Variants in VRK2 observed in about 807,000 individuals in gnomAD.
The protein encoded by VRK2 is VRK serine/threonine kinase 2.
VRK2 carries 60 observed loss-of-function variants against 57.6 expected under a neutral mutation model. That is an observed-to-expected ratio of 1.04 (90% CI 0.85 to 1.29). The LOEUF is 1.29. Ranked by LOEUF, VRK2 falls within the 50% of genes most tolerant of loss-of-function variation. The pLI is 0.00. For synonymous variants in VRK2, 231 were observed against 199.2 expected (o/e 1.16, Z -1.35); for missense variants, 705 against 588.1 (o/e 1.20, Z -2.06).
At chr2:58,147,444 C>G (rs1237410690) in intron 12 of VRK2, among the ~76,000 whole-genome samples, 1 of 151,890 alleles carries the variant, frequency 6.6e-6, no homozygotes, top group Non-Finnish European at 1.5e-5. Context: ...AAATTAAAGA[C>G]AAATCGTGCT....
intron 2 of VRK2, among the ~76,000 whole-genome samples, chr2:58,029,751 T>C (rs1458882184): frequency 6.6e-6 from 1 of 152,172 alleles, no homozygotes; most frequent in Non-Finnish European, 1.5e-5. Flanking sequence ...TCTAATGAGC[T>C]TCTGGTCTAC....
At position 57,993,818 on chromosome 2, in the gene VRK2, C is replaced by T. The variant is rs993082415; in HGVS notation, c.-438-31847C>T. Among the ~76,000 whole-genome samples the T allele has an allele frequency of 1.2e-4, 18 of 152,200 alleles. No individual in the cohort carries two copies. In the South Asian group the frequency reaches 1.9e-3, roughly 16 times the overall value. ...TTTGTCAGGAGGCCTGCCACCAGAG[C>T]GCAATGCATAGCAACATCAGGGTAT... On this transcript the variant is annotated intron_variant, in intron 1 of 15. Coordinates refer to the VRK2 transcript ENST00000417641.
rs1205548555 is a variant in VRK2, at chr2:57,991,791, CAA to C, written c.-438-33858_-438-33857del. On this transcript the variant is annotated intron_variant, in intron 1 of 15. Coordinates refer to the VRK2 transcript ENST00000417641. The stretch of plus-strand genomic sequence containing the variant: ...TGAAACCCCGTCTCTACTAAAAATA[CAA>C]AAAAAAAAAAAAAAATTATCTGGGC... Among the ~76,000 whole-genome samples, 839 of 113,954 alleles carry C rather than the reference CAA, an allele frequency of 7.4e-3. 9 individuals are homozygous for C. The highest frequency in any genetic ancestry group is 0.023 in the African/African-American group (784 of 33,820). The allele number at this position is 113,954 out of a possible 152,430, so 74.8% of individuals were successfully genotyped here. A position where few individuals can be genotyped will look rare whatever the true frequency, so the allele number is the denominator to read the frequency against.
chr2:58,109,732 A>G (rs753268357), intron 7 of VRK2, among the ~76,000 whole-genome samples: 16 of 152,198 alleles, frequency 1.1e-4, no homozygotes, highest in Non-Finnish European at 2.1e-4. Flanking sequence ...GGGAATTACA[A>G]TTCAGATTAC....
At chr2:57,934,410 T>G (rs1272266821) in intron 1 of VRK2, among the ~76,000 whole-genome samples, 1 of 152,204 alleles carries the variant, frequency 6.6e-6, no homozygotes, top group Non-Finnish European at 1.5e-5. Context: ...GAATGTATTA[T>G]TCCACTCTCT....
chr2:58,130,527 CAGTT>C (rs775771942), intron 8 of VRK2, among the ~76,000 whole-genome samples: 89 of 152,268 alleles, frequency 5.8e-4, no homozygotes, highest in African/African-American at 1.6e-3. Flanking sequence ...ACGCTAATAG[CAGTT>C]AGAGTGTAAG....
intron 1 of VRK2, among the ~76,000 whole-genome samples, chr2:57,971,346 T>A (rs969994222): frequency 2.0e-5 from 3 of 152,072 alleles, no homozygotes; most frequent in Admixed American, 1.3e-4. Context: ...GTATATACAA[T>A]TCAAGACTTC....
intron 1 of VRK2, among the ~76,000 whole-genome samples, chr2:57,932,129 T>G (rs1167093989): frequency 6.6e-6 from 1 of 152,054 alleles, no homozygotes; most frequent in South Asian, 2.1e-4. Context: ...CATACAAATT[T>G]TAGGATTTTT....
intron 2 of VRK2, among the ~76,000 whole-genome samples, chr2:58,068,830 CA>C (rs1668991614): frequency 7.7e-6 from 1 of 130,322 alleles, no homozygotes; most frequent in Non-Finnish European, 1.6e-5. Context: ...AAAAAAAAAA[CA>C]AAAACTCGGT....
At chr2:58,051,293 G>A (rs1675701479) in intron 2 of VRK2, among the ~76,000 whole-genome samples, 1 of 152,072 alleles carries the variant, frequency 6.6e-6, no homozygotes, top group South Asian at 2.1e-4. Flanking sequence ...ACTGAGGAAG[G>A]ACTTTAAAGA....
intron 2 of VRK2, among the ~76,000 whole-genome samples, chr2:58,070,609 CTA>C (rs2103983733): frequency 6.6e-6 from 1 of 152,240 alleles, no homozygotes; most frequent in Non-Finnish European, 1.5e-5. Context: ...TTTCACAAAA[CTA>C]TATGTTTTTA....
intron 2 of VRK2, among the ~76,000 whole-genome samples, chr2:58,067,893 T>C (rs114595094): frequency 1.1e-4 from 16 of 150,292 alleles, no homozygotes; most frequent in African/African-American, 3.7e-4. Flanking sequence ...AATATCTTTT[T>C]TTCTTTTCTT....
At chr2:58,091,685 A>T (rs1672397100) in intron 7 of VRK2, among the ~76,000 whole-genome samples, 1 of 152,014 alleles carries the variant, frequency 6.6e-6, no homozygotes, top group African/African-American at 2.4e-5. Context: ...GAGAATATCT[A>T]GCCGGTACTA....
chr2:58,149,480 GA>G (rs2104671428), intron 12 of VRK2, among the ~76,000 whole-genome samples: 1 of 151,648 alleles, frequency 6.6e-6, no homozygotes, highest in African/African-American at 2.4e-5. Context: ...TGATGTCTGT[GA>G]ATAGAGACAG....
intron 1 of VRK2, among the ~76,000 whole-genome samples, chr2:57,935,664 T>G (rs1033148285): frequency 6.6e-6 from 1 of 151,216 alleles, no homozygotes; most frequent in Non-Finnish European, 1.5e-5. Flanking sequence ...CTGCTCTCAT[T>G]CTCTCCCAAT....
rs1673451404 is a variant in VRK2, at chr2:58,012,758, G to C, written c.-438-12907G>C. Among the ~76,000 whole-genome samples, 2 of 152,176 alleles carry C rather than the reference G, an allele frequency of 1.3e-5. 1 individual carries two copies. The highest frequency in any genetic ancestry group is 4.2e-4 in the South Asian group (2 of 4,814). On this transcript the variant is annotated intron_variant, in intron 1 of 15. Transcript: ENST00000417641. ...CAAAGAATTTAGACACTCTGTGCCA[G>C]GTATAAAAAGGACAAAGACCAAATC...
chr2:58,096,509 T>A (rs1192416559), intron 7 of VRK2, among the ~76,000 whole-genome samples: 1 of 152,050 alleles, frequency 6.6e-6, no homozygotes, highest in Non-Finnish European at 1.5e-5. Flanking sequence ...ATTTTATTTG[T>A]GCGGTGGTCT....
intron 1 of VRK2, among the ~76,000 whole-genome samples, chr2:57,996,300 A>G (rs1672921010): frequency 6.6e-6 from 1 of 152,222 alleles, no homozygotes; most frequent in Non-Finnish European, 1.5e-5. Context: ...ACTCCCTGAA[A>G]TGGTTCTGTA....
chr2:57,916,775 G>A (rs6761004), intron 1 of VRK2, among the ~76,000 whole-genome samples: 2,420 of 152,234 alleles, frequency 0.016, 67 homozygotes, highest in African/African-American at 0.055. Flanking sequence ...TTACAGAAGT[G>A]TGGAGTGACT....
Sources: allele counts gnomAD v4.1 joint callset (sites outside exome capture counted in the v4.1 genomes callset), GRCh38; gene constraint gnomAD v4.1.1; transcripts MANE v1.5; gene names NCBI Gene and HGNC (gene_info 2026-07-23, HGNC 2026-07-21).